The following RHOBTB1 variants were observed in gnomAD, a reference collection of about 807,000 sequenced individuals.
The protein encoded by RHOBTB1 is Rho related BTB domain containing 1, also known as rho-related BTB domain-containing protein 1.
A neutral mutation model predicts 71.6 loss-of-function variants in RHOBTB1; 40 were observed. The observed-to-expected ratio is 0.56, with a 90% CI of 0.43 to 0.73. The LOEUF is 0.73. Among genes scored for constraint, RHOBTB1 ranks in the 30% least tolerant of loss-of-function variants. The probability of loss-of-function intolerance (pLI) is 0.00; values close to 1 mark genes in which losing one functional copy is unlikely to be tolerated. For missense variants in RHOBTB1, 797 were observed against 894.0 expected (o/e 0.89, Z 1.38); for synonymous variants, 319 against 334.9 (o/e 0.95, Z 0.52).
chr10:60,886,717 TG>T (rs1554831347), intron 6 of RHOBTB1, among the ~76,000 whole-genome samples: 56 of 137,474 alleles, frequency 4.1e-4, no homozygotes, highest in South Asian at 1.7e-3. Flanking sequence ...TTAAGAGATG[TG>T]GGGGGGGGTG....
chr10:60,989,851 A>G (rs1368573803), intron 1 of RHOBTB1, among the ~76,000 whole-genome samples: 2 of 152,068 alleles, frequency 1.3e-5, no homozygotes, highest in Non-Finnish European at 2.9e-5. Flanking sequence ...GCTTCGTGAC[A>G]TTTATTTACC....
chr10:60,964,492 A>T (rs2085892634), intron 2 of RHOBTB1, among the ~76,000 whole-genome samples: 1 of 152,120 alleles, frequency 6.6e-6, no homozygotes, highest in Non-Finnish European at 1.5e-5. Context: ...ACCCTTAAAA[A>T]CTTTACATTG....
chr10:60,991,411 A>C (rs1267916328), intron 1 of RHOBTB1, among the ~76,000 whole-genome samples: 2 of 149,084 alleles, frequency 1.3e-5, no homozygotes, highest in Non-Finnish European at 3.0e-5. Flanking sequence ...CACTCCAGAC[A>C]GTGTGGCCTT....
At chr10:60,902,429 A>G (rs1188190660) in intron 4 of RHOBTB1, among the ~76,000 whole-genome samples, 1 of 152,216 alleles carries the variant, frequency 6.6e-6, no homozygotes, top group East Asian at 1.9e-4. Flanking sequence ...ATGTTTCTCT[A>G]TATAATTATT....
chr10:60,940,387 G>T (rs760724193), intron 2 of RHOBTB1, among the ~76,000 whole-genome samples: 1 of 152,158 alleles, frequency 6.6e-6, no homozygotes, highest in Non-Finnish European at 1.5e-5. Context: ...ACAGAAGAGA[G>T]AGAAGCCTGT....
chr10:60,956,960 C>A (rs10821861), intron 2 of RHOBTB1, among the ~76,000 whole-genome samples: 80,941 of 151,454 alleles, frequency 0.53, 21,827 homozygotes, highest in East Asian at 0.77. Context: ...GCTTGAAAAA[C>A]CAACATATCG....
intron 7 of RHOBTB1, among the ~76,000 whole-genome samples, chr10:60,882,952 A>G (rs2081393193): frequency 1.3e-5 from 2 of 152,142 alleles, no homozygotes; most frequent in South Asian, 4.1e-4. Context: ...TGCTTTACAC[A>G]TGTCCTCTCA....
intron 2 of RHOBTB1, among the ~76,000 whole-genome samples, chr10:60,920,622 T>G (rs566111042): frequency 0.012 from 1,438 of 123,036 alleles, 19 homozygotes; most frequent in African/African-American, 0.048. Flanking sequence ...TCTGATTTGC[T>G]TTTTTTTTTT....
chr10:60,872,916 C>A (rs996720273), intron 9 of RHOBTB1, among the ~76,000 whole-genome samples: 1 of 152,154 alleles, frequency 6.6e-6, no homozygotes, highest in African/African-American at 2.4e-5. Flanking sequence ...TCTACTCCCC[C>A]ATTCCCTCCC....
intron 1 of RHOBTB1, among the ~76,000 whole-genome samples, chr10:60,992,257 T>C (rs1015352640): frequency 2.6e-5 from 4 of 152,190 alleles, no homozygotes; most frequent in African/African-American, 7.2e-5. Flanking sequence ...ATGGGAATAA[T>C]AGGGGTTTTT....
At chr10:60,945,663 AT>A (rs2085195222), upstream of RHOBTB1, among the ~76,000 whole-genome samples, 1 of 152,140 alleles carries the variant, frequency 6.6e-6, no homozygotes, top group South Asian at 2.1e-4. Flanking sequence ...TGCTCTCTAA[AT>A]CCCCCAGAGA....
At chr10:60,900,082 T>A (rs186260012) in intron 4 of RHOBTB1, among the ~76,000 whole-genome samples, 1 of 152,146 alleles carries the variant, frequency 6.6e-6, no homozygotes, top group Non-Finnish European at 1.5e-5. Context: ...GCCATTCTGC[T>A]GGAGCACAGT....
rs758720043 is a variant in RHOBTB1, at chr10:60,911,010, C to T, written c.193-20G>A. 1.8e-5 allele frequency: 29 copies of T among 1,577,834 alleles called. No individual in the cohort carries two copies. The highest frequency in any genetic ancestry group is 2.7e-5 in the African/African-American group (2 of 74,254). On this transcript the variant is annotated intron_variant, in intron 3 of 10. Transcript: ENST00000337910. Reference sequence around the variant, plus strand: ...CAAGACCTGCAGGAGAGAGAGAGAGCATCTGTGCTCGGTGTCAGTCAGAAG... The same window carrying T: ...CAAGACCTGCAGGAGAGAGAGAGAGTATCTGTGCTCGGTGTCAGTCAGAAG...
At chr10:60,992,617 A>G (rs2086906759) in intron 1 of RHOBTB1, among the ~76,000 whole-genome samples, 2 of 152,220 alleles carry the variant, frequency 1.3e-5, no homozygotes, top group South Asian at 2.1e-4. Flanking sequence ...ATCTCAATAA[A>G]TAGGCGAAAC....
Position 60,888,736 on chromosome 10 carries a change from C to T in RHOBTB1, c.932G>A (p.Cys311Tyr). Residue 311 changes from cysteine to tyrosine, a missense_variant, in exon 6 of 11, where the codon TGT (cysteine) becomes TAT (tyrosine). Around this residue, in one of 2 missense-constraint regions of RHOBTB1, gnomAD observed 658 missense variants for 681.5 expected, o/e 0.97. Transcript: ENST00000337910. ...ATCTCTGCTCTGCTTCTCTTTCTCACAGGCTCCTTCACTCCCATTTGGGGA... is the reference window on the plus strand; with the variant it reads ...ATCTCTGCTCTGCTTCTCTTTCTCATAGGCTCCTTCACTCCCATTTGGGGA... ...EESPNGSEGA[C>Y]EKEKQSRDFQ... The T allele has an allele frequency of 6.8e-6, 11 of 1,614,212 alleles. No individual in the cohort carries two copies. Among genetic ancestry groups the T allele is most frequent in the East Asian group, 2.2e-5 (1 of 44,874 alleles).
intron 4 of RHOBTB1, among the ~76,000 whole-genome samples, chr10:60,910,311 AT>A (rs984194906): frequency 6.6e-6 from 1 of 151,938 alleles, no homozygotes; most frequent in African/African-American, 2.4e-5. Context: ...CCATTACTAG[AT>A]TTTTTTCTCC....
At chr10:60,865,532 A>G (rs79588016), downstream of RHOBTB1, among the ~76,000 whole-genome samples, 2,284 of 152,356 alleles carry the variant, frequency 0.015, 24 homozygotes, top group Middle Eastern at 0.044. Flanking sequence ...CACGAGGGTC[A>G]GATGATACAA....
chr10:60,994,777 C>T (rs1480917782), intron 1 of RHOBTB1, among the ~76,000 whole-genome samples: 3 of 151,942 alleles, frequency 2.0e-5, no homozygotes, highest in Non-Finnish European at 2.9e-5. Context: ...TATGATGTAC[C>T]TTAAACCAAT....
chr10:60,954,323 C>T (rs1365607612), intron 2 of RHOBTB1, among the ~76,000 whole-genome samples: 1 of 152,160 alleles, frequency 6.6e-6, no homozygotes, highest in Non-Finnish European at 1.5e-5. Flanking sequence ...TTACACTCTT[C>T]ATGTTGAAAT....
Sources: gnomAD v4.1 joint callset for allele counts (sites outside exome capture counted in the v4.1 genomes callset) on GRCh38, gnomAD v4.1.1 for gene constraint, gnomAD v4.1.1 regional missense constraint, MANE v1.5 for transcripts, NCBI Gene and HGNC (gene_info 2026-07-23, HGNC 2026-07-21) for gene names.